ZNF705A: variants seen among roughly 807,000 people sequenced by gnomAD.
ZNF705A encodes zinc finger protein 705A.
A neutral mutation model predicts 16.6 loss-of-function variants in ZNF705A; 8 were observed. The observed-to-expected ratio is 0.48, with a 90% CI of 0.28 to 0.87. The LOEUF is 0.87. Ranked by LOEUF, ZNF705A falls within the 40% of genes least tolerant of loss-of-function variation. The pLI, the probability that ZNF705A is intolerant of heterozygous loss-of-function variation, is 0.10. For missense variants in ZNF705A, 233 were observed against 359.9 expected, an observed-to-expected ratio of 0.65 and a Z score of 2.85; for synonymous variants, 73 against 117.3, an observed-to-expected ratio of 0.62 and a Z score of 2.44.
At chr12:8,164,933 C>T (rs1948385460) in intron 1 of ZNF705A, among the ~76,000 whole-genome samples, 1 of 152,176 alleles carries the variant, frequency 6.6e-6, no homozygotes, top group African/African-American at 2.4e-5. Context: ...AATAGTTGAA[C>T]TAATTTACAT....
At chr12:8,179,040 T>C (rs1236559876) in exon 5 of ZNF705A, 1 of 152,230 alleles carries the variant, frequency 6.6e-6, no homozygotes, top group Non-Finnish European at 1.5e-5. Flanking sequence ...AGCAGGGAAA[T>C]GGAGGCTGTA....
chr12:8,163,480 C>T (rs763448812), intron 1 of ZNF705A, among the ~76,000 whole-genome samples: 1 of 152,256 alleles, frequency 6.6e-6, no homozygotes, highest in East Asian at 1.9e-4. Context: ...TTTTTCATTG[C>T]TTATTATTTC....
intron 1 of ZNF705A, among the ~76,000 whole-genome samples, chr12:8,173,329 T>C (rs1050389011): frequency 1.6e-4 from 24 of 152,340 alleles, no homozygotes; most frequent in Non-Finnish European, 2.2e-4. Context: ...ATAAGAAATA[T>C]AATTATTTAA....
At chr12:8,165,229 G>A (rs2041378149) in intron 1 of ZNF705A, among the ~76,000 whole-genome samples, 1 of 150,306 alleles carries the variant, frequency 6.7e-6, no homozygotes, top group Non-Finnish European at 1.5e-5. Context: ...TATAGTTGTT[G>A]GCCATTTGTA....
chr12:8,176,919 T>A, intron 4 of ZNF705A, 80 bp from the exon 6 acceptor site: 7 of 1,561,902 alleles, frequency 4.5e-6, no homozygotes, highest in Admixed American at 1.8e-5. Context: ...GAATGTTTGG[T>A]CTAGGATTCA....
intron 1 of ZNF705A, among the ~76,000 whole-genome samples, chr12:8,157,436 G>C (rs1005665025): frequency 6.6e-6 from 1 of 151,956 alleles, no homozygotes; most frequent in African/African-American, 2.4e-5. Flanking sequence ...CTGCCTGAGG[G>C]GGAAAAAAGA....
chr12:8,170,577 A>G (rs1200222083), upstream of ZNF705A, among the ~76,000 whole-genome samples: 1 of 152,190 alleles, frequency 6.6e-6, no homozygotes. Flanking sequence ...ATAATTACAC[A>G]CAAATATTCT....
chr12:8,165,781 G>T (rs1948395077), intron 1 of ZNF705A, among the ~76,000 whole-genome samples: 1 of 151,844 alleles, frequency 6.6e-6, no homozygotes, highest in Non-Finnish European at 1.5e-5. Context: ...ATGGTATTTG[G>T]TTTTCTCTTC....
chr12:8,160,941 G>A (rs768834913), intron 1 of ZNF705A, among the ~76,000 whole-genome samples: 17 of 152,086 alleles, frequency 1.1e-4, no homozygotes, highest in African/African-American at 1.7e-4. Context: ...TTCCTCATTC[G>A]GTATTTTGTT....
At chr12:8,165,216 T>G (rs973931577) in intron 1 of ZNF705A, among the ~76,000 whole-genome samples, 5 of 151,994 alleles carry the variant, frequency 3.3e-5, no homozygotes, top group Non-Finnish European at 5.9e-5. Flanking sequence ...AAGAATTTTT[T>G]CATATAGTTG....
At chr12:8,158,091 G>C (rs1948324645) in intron 1 of ZNF705A, among the ~76,000 whole-genome samples, 1 of 152,038 alleles carries the variant, frequency 6.6e-6, no homozygotes, top group Non-Finnish European at 1.5e-5. Context: ...AATCACTCCT[G>C]GCAATAGCAA....
chr12:8,169,140 C>A (rs1334030876), upstream of ZNF705A, among the ~76,000 whole-genome samples: 1 of 151,962 alleles, frequency 6.6e-6, no homozygotes, highest in African/African-American at 2.4e-5. Context: ...TTGCATATTC[C>A]TTTTTTTAAA....
chr12:8,157,019 C>T (rs1043598828), upstream of ZNF705A: 38 of 397,850 alleles, frequency 9.6e-5, no homozygotes, highest in Non-Finnish European at 1.3e-4. Context: ...TCCAGTGACT[C>T]GTCAAAAATC....
exon 4 of ZNF705A, chr12:8,175,913 A>G (rs1948480675): frequency 1.2e-6 from 2 of 1,611,606 alleles, no homozygotes; most frequent in East Asian, 4.5e-5. Context: ...TCCTATCACC[A>G]GAAAAGACGC....
chr12:8,162,376 C>T (rs1036865005), intron 1 of ZNF705A, among the ~76,000 whole-genome samples: 23 of 152,210 alleles, frequency 1.5e-4, no homozygotes, highest in Admixed American at 3.9e-4. Flanking sequence ...TTGGAGTAGT[C>T]CACACCTTTC....
intron 1 of ZNF705A, 97 bp downstream of exon 1, chr12:8,157,189 T>C: frequency 2.5e-6 from 1 of 394,776 alleles, no homozygotes; most frequent in Non-Finnish European, 4.5e-6. Flanking sequence ...GTCCTGCTGC[T>C]TCAACTGGAG....
rs935129264 is a variant in ZNF705A, at chr12:8,157,303, C to T, written c.-72+211C>T. ...AAAGAATCAGGAAGCAATCTAAACA[C>T]TCACTTTATTACTGGTAAAGCTGTA... is the stretch of plus-strand genomic sequence containing the variant. On this transcript the variant is annotated intron_variant, in intron 1 of 5. Coordinates refer to the ZNF705A transcript ENST00000396570. Among the ~76,000 whole-genome samples the T allele has an allele frequency of 1.1e-3, 169 of 152,270 alleles. 2 individuals are homozygous for T. Among genetic ancestry groups the T allele is most frequent in the Non-Finnish European group, 2.1e-4 (14 of 67,990 alleles).
intron 3 of ZNF705A, 135 bp from the exon 5 acceptor site, chr12:8,175,725 A>G: frequency 8.0e-7 from 1 of 1,244,832 alleles, no homozygotes; most frequent in Non-Finnish European, 1.1e-6. Context: ...TCTTCTATTC[A>G]AGTAGTTTCT....
chr12:8,166,453 G>A (rs1193876599), intron 1 of ZNF705A, among the ~76,000 whole-genome samples: 1 of 152,226 alleles, frequency 6.6e-6, no homozygotes, highest in African/African-American at 2.4e-5. Flanking sequence ...TCTCGTGGTA[G>A]TGAATAAGTC....
Sources: gnomAD v4.1 joint callset for allele counts (sites outside exome capture counted in the v4.1 genomes callset) on GRCh38, gnomAD v4.1.1 for gene constraint, MANE v1.5 for transcripts, NCBI Gene and HGNC (gene_info 2026-07-23, HGNC 2026-07-21) for gene names.